The following CCDC3 variants were observed in gnomAD, a reference collection of about 807,000 sequenced individuals.
CCDC3 encodes coiled-coil domain-containing protein 3.
CCDC3 carries 24 observed loss-of-function variants against 21.4 expected under a neutral mutation model. The observed-to-expected ratio is 1.12, with a 90% CI of 0.81 to 1.58. CCDC3 has a LOEUF of 1.58. Ranked by LOEUF, CCDC3 falls within the 40% of genes most tolerant of loss-of-function variation. The probability of loss-of-function intolerance (pLI) is 0.00; values close to 1 mark genes in which losing one functional copy is unlikely to be tolerated. For synonymous variants in CCDC3, 186 were observed against 166.0 expected, an observed-to-expected ratio of 1.12 and a Z score of -0.93; for missense variants, 425 against 360.9, an observed-to-expected ratio of 1.18 and a Z score of -1.44.
At chr10:13,037,461 G>T (rs1016466343) in intron 5 of CCDC3, among the ~76,000 whole-genome samples, 7 of 152,040 alleles carry the variant, frequency 4.6e-5, no homozygotes, top group Admixed American at 2.0e-4. Context: ...AGGTTTATGG[G>T]AAACATTGTA....
rs56054100 is a variant in CCDC3, at chr10:12,917,180, C to CTTTTTT, written c.550-18507_550-18502dup. 5.0e-4 allele frequency among the ~76,000 whole-genome samples: 29 copies of CTTTTTT among 58,224 alleles called. 1 individual carries two copies. Among genetic ancestry groups the CTTTTTT allele is most frequent in the African/African-American group, 1.8e-3 (26 of 14,796 alleles). 38.2% of individuals were successfully genotyped at this position (58,224 alleles called of 152,430 possible). On this transcript the variant is annotated intron_variant, in intron 2 of 2. Transcript: ENST00000378825. ...GTTGGAAATGTCCTTATTTCTTCTT[C>CTTTTTT]TTTTTTTTTTTTTTTTTTTTTTTTT...
At chr10:12,940,682 T>C (rs1258203456) in intron 2 of CCDC3, among the ~76,000 whole-genome samples, 2 of 138,306 alleles carry the variant, frequency 1.4e-5, no homozygotes, top group Non-Finnish European at 3.1e-5. Flanking sequence ...AAGTCAATCA[T>C]ACGTAAGAGG....
intron 4 of CCDC3, among the ~76,000 whole-genome samples, chr10:13,071,470 G>A (rs912216105): frequency 1.3e-5 from 2 of 152,204 alleles, no homozygotes; most frequent in Non-Finnish European, 2.9e-5. Flanking sequence ...CCCATTACAC[G>A]GATAAAGGTC....
chr10:12,926,793 C>G (rs1178400414), intron 2 of CCDC3, among the ~76,000 whole-genome samples: 2 of 152,100 alleles, frequency 1.3e-5, no homozygotes, highest in African/African-American at 4.8e-5. Flanking sequence ...ATATTGATAT[C>G]AGGCAAAGTA....
intron 5 of CCDC3, among the ~76,000 whole-genome samples, chr10:13,040,432 C>T (rs544878259): frequency 1.3e-4 from 20 of 152,220 alleles, no homozygotes; most frequent in Non-Finnish European, 2.4e-4. Context: ...GGGCTAGATG[C>T]GGTGGCTCGC....
At chr10:13,043,870 C>T (rs1049461387) in intron 5 of CCDC3, among the ~76,000 whole-genome samples, 2 of 152,176 alleles carry the variant, frequency 1.3e-5, no homozygotes. Flanking sequence ...GGATATACAC[C>T]CAGTAATGGG....
intron 3 of CCDC3, among the ~76,000 whole-genome samples, chr10:13,080,087 C>G (rs995759887): frequency 3.3e-5 from 5 of 152,232 alleles, no homozygotes; most frequent in Admixed American, 2.6e-4. Context: ...AACCTGGCAT[C>G]TGCCGAGCCT....
chr10:12,919,417 C>G (rs1001741714), intron 2 of CCDC3, among the ~76,000 whole-genome samples: 2 of 152,062 alleles, frequency 1.3e-5, no homozygotes, highest in Non-Finnish European at 2.9e-5. Flanking sequence ...TGGTGAAACC[C>G]TGTCTTTACT....
upstream of CCDC3, among the ~76,000 whole-genome samples, chr10:13,002,029 C>G (rs1397516894): frequency 6.6e-6 from 1 of 152,246 alleles, no homozygotes; most frequent in Non-Finnish European, 1.5e-5. Flanking sequence ...TGCACGATTA[C>G]TGCCTAAGTT....
chr10:13,086,946 G>A (rs1365257610), intron 3 of CCDC3, among the ~76,000 whole-genome samples: 12 of 152,210 alleles, frequency 7.9e-5, no homozygotes, highest in Admixed American at 7.9e-4. Context: ...GAAAGGGGCT[G>A]CAGATTCATC....
chr10:12,992,067 TAAA>T (rs34433198), intron 2 of CCDC3, among the ~76,000 whole-genome samples: 2 of 145,782 alleles, frequency 1.4e-5, no homozygotes, highest in Non-Finnish European at 3.0e-5. Flanking sequence ...ATATTTGGAT[TAAA>T]AAAAAAAAAA....
intron 3 of CCDC3, among the ~76,000 whole-genome samples, chr10:13,081,176 A>C (rs1564342688): frequency 6.6e-6 from 1 of 152,126 alleles, no homozygotes; most frequent in African/African-American, 2.4e-5. Context: ...AAAAAAAAAA[A>C]AAAAAATACC....
intron 3 of CCDC3, among the ~76,000 whole-genome samples, chr10:13,086,163 C>A (rs927442222): frequency 6.6e-6 from 1 of 151,978 alleles, no homozygotes; most frequent in Non-Finnish European, 1.5e-5. Flanking sequence ...GGAAAGATGG[C>A]GCATATGAGA....
chr10:12,898,663 A>T lies in CCDC3; in HGVS notation c.566T>A (p.Val189Glu), dbSNP rs1416174376. 6 of 1,614,162 alleles carry T rather than the reference A, an allele frequency of 3.7e-6. No individual in the cohort carries two copies. The highest frequency in any genetic ancestry group is 5.1e-6 in the Non-Finnish European group (6 of 1,179,998). ...QEDSRLMCSS[V>E]QKALFEEEDH... ...CTCCTCCTCAAACAAGGCCTTCTGC[A>T]CCGAGGAGCACATGAGCTGGAGGCA... Residue 189 changes from valine (V) to glutamate (E), a missense_variant, in exon 3 of 3, where the codon GTG (valine) becomes GAG (glutamate). Physicochemically the swap from Val to Glu is moderately radical, Grantham distance 121. Transcript: ENST00000378825.
intron 3 of CCDC3, among the ~76,000 whole-genome samples, chr10:13,089,802 C>T (rs1030311341): frequency 6.6e-6 from 1 of 151,628 alleles, no homozygotes; most frequent in Non-Finnish European, 1.5e-5. Flanking sequence ...GACACTGCAC[C>T]CAATTTGTAG....
chr10:13,099,915 C>G (rs1189723917), upstream of CCDC3: 1 of 152,188 alleles, frequency 6.6e-6, no homozygotes, highest in East Asian at 1.9e-4. Context: ...AGAGCAGTCC[C>G]TGTTCACCCG....
intron 2 of CCDC3, among the ~76,000 whole-genome samples, chr10:12,907,091 G>A (rs181292566): frequency 2.5e-4 from 38 of 152,222 alleles, no homozygotes; most frequent in Middle Eastern, 3.4e-3. Flanking sequence ...CAAGTTTATC[G>A]CATGGGGCTC....
At chr10:13,043,133 T>A (rs1418486691) in intron 5 of CCDC3, among the ~76,000 whole-genome samples, 1 of 152,100 alleles carries the variant, frequency 6.6e-6, no homozygotes, top group Non-Finnish European at 1.5e-5. Flanking sequence ...TATATTTGTG[T>A]GACACTGAGG....
At chr10:13,060,076 C>T (rs1334281602) in intron 4 of CCDC3, among the ~76,000 whole-genome samples, 1 of 152,092 alleles carries the variant, frequency 6.6e-6, no homozygotes, top group African/African-American at 2.4e-5. Flanking sequence ...GAGTGAGACT[C>T]CATCTCAAAA....
Sources: gnomAD v4.1 joint callset for allele counts (sites outside exome capture counted in the v4.1 genomes callset) on GRCh38, gnomAD v4.1.1 for gene constraint, MANE v1.5 for transcripts, NCBI Gene and HGNC (gene_info 2026-07-23, HGNC 2026-07-21) for gene names.